GPHN: variants seen among roughly 807,000 people sequenced by gnomAD.
GPHN encodes the protein gephyrin.
A neutral mutation model predicts 95.5 loss-of-function variants in GPHN; 17 were observed. The ratio of observed to expected loss-of-function variants is 0.18; its 90% CI spans 0.12 to 0.27. The LOEUF (loss-of-function observed/expected upper bound fraction) is 0.27, where lower values mean the gene tolerates loss of function less well. Ranked by LOEUF, GPHN falls within the 10% of genes least tolerant of loss-of-function variation. The probability of loss-of-function intolerance (pLI) is 1.00; values close to 1 mark genes in which losing one functional copy is unlikely to be tolerated. For synonymous variants in GPHN, 320 were observed against 322.5 expected (o/e 0.99, Z 0.08); for missense variants, 660 against 978.1 (o/e 0.67, Z 4.34).
the GPHN span, among the ~76,000 whole-genome samples, chr14:67,591,636 A>C: frequency 2.2e-4 from 33 of 152,234 alleles, no homozygotes; most frequent in African/African-American, 7.2e-4. Flanking sequence ...GGCTCAAGCA[A>C]TCCTCCCACC....
At chr14:67,143,556 A>T in intron 18 of GPHN, 107 bp downstream of exon 18, 1 of 793,634 alleles carries the variant, frequency 1.3e-6, no homozygotes, top group South Asian at 1.3e-5. Flanking sequence ...GGCTCCCACA[A>T]AGCTGAAAAT....
intron 1 of GPHN, among the ~76,000 whole-genome samples, chr14:66,679,639 C>T (rs944316246): frequency 6.6e-6 from 1 of 152,128 alleles, no homozygotes. Flanking sequence ...TTCTTTCTTG[C>T]TGTGCTTCAG....
intron 1 of GPHN, among the ~76,000 whole-genome samples, chr14:66,537,311 T>C: frequency 6.6e-6 from 1 of 152,198 alleles, no homozygotes; most frequent in Non-Finnish European, 1.5e-5. Context: ...ATCCATACTT[T>C]GGGTGTTTAA....
intron 4 of GPHN, among the ~76,000 whole-genome samples, chr14:66,872,438 T>C (rs1567043253): frequency 6.6e-6 from 1 of 152,200 alleles, no homozygotes; most frequent in Non-Finnish European, 1.5e-5. Context: ...CCTCAAGTTT[T>C]AGCCTAAAAT....
intron 1 of GPHN, among the ~76,000 whole-genome samples, chr14:66,545,119 C>T (rs908074407): frequency 3.9e-5 from 6 of 152,148 alleles, no homozygotes; most frequent in Admixed American, 6.5e-5. Context: ...GGGTGGTGGC[C>T]GGGCAGAGGG....
the GPHN span, among the ~76,000 whole-genome samples, chr14:67,259,675 C>T: frequency 3.3e-5 from 5 of 152,034 alleles, no homozygotes; most frequent in Non-Finnish European, 5.9e-5. Flanking sequence ...CCCTGAGAGG[C>T]TGAGGCAGGA....
chr14:67,727,279 G>A, the GPHN span: 1 of 916,206 alleles, frequency 1.1e-6, no homozygotes, highest in Non-Finnish European at 1.7e-6. Context: ...TGTCAAACAT[G>A]CACGTGTCAG....
chr14:66,594,522 C>T (rs1052067848), intron 1 of GPHN, among the ~76,000 whole-genome samples: 4 of 152,054 alleles, frequency 2.6e-5, no homozygotes, highest in Non-Finnish European at 4.4e-5. Context: ...ACACATTTAT[C>T]GCCAATTGAT....
At chr14:66,981,419 T>G (rs1455293263) in intron 9 of GPHN, among the ~76,000 whole-genome samples, 2 of 152,106 alleles carry the variant, frequency 1.3e-5, no homozygotes, top group Non-Finnish European at 2.9e-5. Flanking sequence ...CAAAAGTACT[T>G]TGTTATTTAT....
chr14:67,153,155 T>C (rs2081380252), intron 18 of GPHN, among the ~76,000 whole-genome samples: 1 of 152,014 alleles, frequency 6.6e-6, no homozygotes, highest in South Asian at 2.1e-4. Context: ...AAAAATTAGC[T>C]AGGCATAGTG....
chr14:67,431,565 A>G, the GPHN span, among the ~76,000 whole-genome samples: 1 of 151,634 alleles, frequency 6.6e-6, no homozygotes, highest in Admixed American at 6.6e-5. Context: ...TGTGGCACAC[A>G]TCTGTGGTCC....
At chr14:67,260,011 T>A in the GPHN span, among the ~76,000 whole-genome samples, 1 of 152,182 alleles carries the variant, frequency 6.6e-6, no homozygotes, top group East Asian at 1.9e-4. Flanking sequence ...GGAAACATTG[T>A]CCCCAGGAGA....
At chr14:67,493,765 C>A in the GPHN span, among the ~76,000 whole-genome samples, 4 of 152,154 alleles carry the variant, frequency 2.6e-5, no homozygotes, top group Non-Finnish European at 4.4e-5. Context: ...GGAATGGCCA[C>A]AGAGACCACA....
chr14:67,039,580 G>A (rs765848968), intron 10 of GPHN, among the ~76,000 whole-genome samples: 12 of 152,164 alleles, frequency 7.9e-5, no homozygotes, highest in Admixed American at 2.6e-4. Flanking sequence ...GATCACTTGA[G>A]CCCAGGAGTT....
chr14:66,840,735 A>AC, intron 4 of GPHN, among the ~76,000 whole-genome samples: 1 of 119,308 alleles, frequency 8.4e-6, no homozygotes, highest in Non-Finnish European at 1.6e-5. Flanking sequence ...TGCAGGCCAT[A>AC]CAAAAAAAAA....
intron 2 of GPHN, among the ~76,000 whole-genome samples, chr14:66,698,801 T>G (rs942458895): frequency 6.6e-6 from 1 of 152,196 alleles, no homozygotes; most frequent in African/African-American, 2.4e-5. Flanking sequence ...TCCATTCGGC[T>G]CTGGGGAACC....
chr14:67,326,939 C>T, the GPHN span, among the ~76,000 whole-genome samples: 4 of 152,182 alleles, frequency 2.6e-5, no homozygotes, highest in African/African-American at 9.7e-5. Flanking sequence ...CTTTGGGAGG[C>T]CGAGGCGGGC....
intron 2 of GPHN, among the ~76,000 whole-genome samples, chr14:66,772,346 T>A (rs1365172836): frequency 6.6e-6 from 1 of 152,246 alleles, no homozygotes; most frequent in Non-Finnish European, 1.5e-5. Context: ...CTGCTTTTAA[T>A]CTTTGACCTC....
chr14:66,802,004 A>C (rs1160388522), intron 3 of GPHN, among the ~76,000 whole-genome samples: 1 of 152,154 alleles, frequency 6.6e-6, no homozygotes, highest in African/African-American at 2.4e-5. Context: ...GCAGCTCTAC[A>C]ATCAGCAGGT....
Sources: allele counts gnomAD v4.1 joint callset (sites outside exome capture counted in the v4.1 genomes callset), GRCh38; gene constraint gnomAD v4.1.1; transcripts MANE v1.5; gene names NCBI Gene and HGNC (gene_info 2026-07-23, HGNC 2026-07-21).